Variants in TCF3 observed in about 807,000 individuals in gnomAD.
TCF3 encodes transcription factor 3, also known as transcription factor E2-alpha.
In TCF3, 54 loss-of-function variants were observed where a neutral mutation model predicts 72.3. The ratio of observed to expected loss-of-function variants is 0.75; its 90% confidence interval spans 0.60 to 0.94. TCF3 has a LOEUF of 0.94. Ranked by LOEUF, TCF3 falls within the 40% of genes least tolerant of loss-of-function variation. The pLI, the probability that TCF3 is intolerant of heterozygous loss-of-function variation, is 0.00. For synonymous variants in TCF3, 525 were observed against 412.6 expected, an observed-to-expected ratio of 1.27 and a Z score of -3.30; for missense variants, 1,078 against 934.4, an observed-to-expected ratio of 1.15 and a Z score of -2.00.
At chr19:1,618,021 G>T (rs1423184935) in intron 16 of TCF3, among the ~76,000 whole-genome samples, 1 of 152,152 alleles carries the variant, frequency 6.6e-6, no homozygotes, top group African/African-American at 2.4e-5. Flanking sequence ...CTGGTGGAAG[G>T]CACAGGGCCA....
chr19:1,620,761 G>T (rs1024991150), intron 13 of TCF3, among the ~76,000 whole-genome samples: 1 of 152,166 alleles, frequency 6.6e-6, no homozygotes, highest in Admixed American at 6.5e-5. Flanking sequence ...GCCCATGGGG[G>T]ACTCCCTTCC....
rs1393590928 is a variant in TCF3, at chr19:1,610,216, G to C, written c.*1491C>G. ...GGACACCCTGCTGGTTCTGCAGCAG[G>C]GTCGGACGCACAGCCCAAGGCCTTC... On this transcript the variant is annotated 3_prime_UTR_variant, in exon 19 of 19. Transcript: ENST00000262965. The C allele has an allele frequency of 8.6e-6, 2 of 232,094 alleles. No individual in the cohort carries two copies. The highest frequency in any genetic ancestry group is 1.7e-5 in the Non-Finnish European group (2 of 117,438). 14.4% of individuals were successfully genotyped at this position (232,094 alleles called of 1,614,324 possible).
intron 3 of TCF3, 127 bp downstream of exon 3, chr19:1,646,228 G>C: frequency 2.9e-6 from 3 of 1,041,400 alleles, no homozygotes; most frequent in Non-Finnish European, 4.2e-6. Context: ...CCCCCGACCC[G>C]GCCTGTGTGG....
chr19:1,642,514 T>C (rs2065483173), intron 3 of TCF3, among the ~76,000 whole-genome samples: 1 of 152,142 alleles, frequency 6.6e-6, no homozygotes, highest in Non-Finnish European at 1.5e-5. Flanking sequence ...TGGATCAACT[T>C]CAAGGACGAG....
intron 16 of TCF3, among the ~76,000 whole-genome samples, chr19:1,617,778 G>C (rs563376591): frequency 6.6e-6 from 1 of 152,186 alleles, no homozygotes; most frequent in African/African-American, 2.4e-5. Flanking sequence ...CTGTGGGTCC[G>C]GACCCTTCTC....
chr19:1,621,209 T>C lies in TCF3; in HGVS notation c.956-18A>G. 6.5e-7 allele frequency: 1 copy of C among 1,533,244 alleles called. No individual in the cohort carries two copies. Among genetic ancestry groups the C allele is most frequent in the Non-Finnish European group, 8.7e-7 (1 of 1,145,230 alleles). 95.0% of individuals were successfully genotyped at this position (1,533,244 alleles called of 1,614,324 possible). On this transcript the variant is annotated intron_variant, in intron 11 of 18. Coordinates refer to ENST00000262965, the MANE Select transcript of TCF3 (RefSeq NM_003200.5). ...TCGGGAGCCTGTGGGTGAAGAGAGG[T>C]GAGGCCCACGCAGCCCGGCCTGGGT... is the stretch of plus-strand genomic sequence containing the variant.
chr19:1,646,327 G>T (rs368244573), intron 3 of TCF3, 28 bp downstream of exon 3: 1 of 1,548,710 alleles, frequency 6.5e-7, no homozygotes, highest in South Asian at 1.2e-5. Flanking sequence ...CTCACTCCAC[G>T]AGCGCTGGCA....
intron 16 of TCF3, among the ~76,000 whole-genome samples, chr19:1,618,897 G>A (rs2061840385): frequency 1.3e-5 from 2 of 152,200 alleles, no homozygotes; most frequent in Non-Finnish European, 2.9e-5. Context: ...GAATGAAGAG[G>A]CAGCCCAGAG....
chr19:1,622,344 G>T lies in TCF3; in HGVS notation c.621C>A (p.Ser207Arg). ...ATAYPSAKTP[S>R]STYPAPFYVA... ...CGTAGAAGGGGGCGGGATAGGTGCTGCTGGGGGTCTTGGCGGACGGGTAGG... is the reference window on the plus strand; with the variant it reads ...CGTAGAAGGGGGCGGGATAGGTGCTTCTGGGGGTCTTGGCGGACGGGTAGG... Residue 207 changes from serine to arginine, a missense_variant, in exon 9 of 19, where the codon AGC becomes AGA. Ser to Arg is a moderately radical substitution (Grantham distance 110). Coordinates refer to ENST00000262965, the MANE Select transcript of TCF3 (RefSeq NM_003200.5). 1 of 1,535,342 alleles carries T rather than the reference G, an allele frequency of 6.5e-7. No homozygotes were observed. The highest frequency in any genetic ancestry group is 8.8e-7 in the Non-Finnish European group (1 of 1,141,200).
rs141138357 is a variant in TCF3 at position 1,618,090 on chromosome 19, TCAA to T, written c.1450+1018_1450+1020del. On this transcript the variant is annotated intron_variant, in intron 16 of 18. Transcript: ENST00000262965. ...GGCCTCTCATGGGTGTCTGAGACAC[TCAA>T]CAATCCCCAGGCCCAGGTCCAGATT... Among the ~76,000 whole-genome samples the T allele has an allele frequency of 6.3e-3, 962 of 152,150 alleles. 12 individuals are homozygous for T. The highest frequency in any genetic ancestry group is 0.022 in the African/African-American group (904 of 41,476).
intron 6 of TCF3, among the ~76,000 whole-genome samples, chr19:1,626,573 C>A (rs943160573): frequency 3.3e-5 from 5 of 152,198 alleles, no homozygotes; most frequent in African/African-American, 9.6e-5. Context: ...GTGTGGCCAC[C>A]GCGGGGCTCG....
chr19:1,643,843 T>C (rs150019278), intron 3 of TCF3, among the ~76,000 whole-genome samples: 2 of 152,316 alleles, frequency 1.3e-5, no homozygotes, highest in African/African-American at 4.8e-5. Context: ...CAAATGAACT[T>C]AAGAAAAGCG....
chr19:1,623,964 C>G lies in TCF3; in HGVS notation c.536G>C (p.Gly179Ala). The G allele has an allele frequency of 1.2e-6, 2 of 1,613,560 alleles. No individual in the cohort carries two copies. The highest frequency in any genetic ancestry group is 1.7e-6 in the Non-Finnish European group (2 of 1,179,964). ...QPKKVRKVPP[G>A]LPSSVYPPSS... ...CGTGCGACTCACCGAGGATGGAAGA[C>G]CCGGCGGGACCTTCCGGACCTTCTT... Residue 179 changes from glycine to alanine, a missense_variant, in exon 8 of 19, where the codon GGT becomes GCT. By Grantham distance (60) the Gly-to-Ala change is moderately conservative. Transcript: ENST00000262965.
At chr19:1,647,553 T>C (rs2066309510) in intron 2 of TCF3, among the ~76,000 whole-genome samples, 1 of 152,092 alleles carries the variant, frequency 6.6e-6, no homozygotes, top group African/African-American at 2.4e-5. Flanking sequence ...AAGAACGGTC[T>C]TGCGGGTAGG....
intron 6 of TCF3, among the ~76,000 whole-genome samples, chr19:1,626,872 C>T (rs377171853): frequency 3.1e-4 from 47 of 152,142 alleles, no homozygotes; most frequent in African/African-American, 1.0e-3. Flanking sequence ...GAGCTGACGG[C>T]GGGGACAGAG....
At chr19:1,619,890 G>C (rs1319686667) in intron 13 of TCF3, 37 bp from the exon 14 acceptor site, 1 of 1,524,322 alleles carries the variant, frequency 6.6e-7, no homozygotes, top group Non-Finnish European at 8.9e-7. Flanking sequence ...GGTGCGAGGG[G>C]CGGGGTGTGA....
intron 3 of TCF3, among the ~76,000 whole-genome samples, chr19:1,637,987 T>C (rs2064688232): frequency 6.6e-6 from 1 of 152,138 alleles, no homozygotes; most frequent in Admixed American, 6.5e-5. Flanking sequence ...AGAAGTTCAA[T>C]GATTTACCCT....
rs892956182 is a variant in TCF3 at position 1,619,253 on chromosome 19, G to A, written c.1327-19C>T. ...CTCCAACCTGCAGGCGTGGGGAGAC[G>A]GGTGCATCAGGGGGAGCCGGGTCCC... On this transcript the variant is annotated intron_variant, in intron 15 of 18. Coordinates refer to ENST00000262965, the MANE Select transcript of TCF3 (RefSeq NM_003200.5). The A allele has an allele frequency of 6.5e-5, 102 of 1,581,338 alleles. No homozygotes were observed. The highest frequency in any genetic ancestry group is 8.3e-5 in the Non-Finnish European group (97 of 1,170,344).
At position 1,629,072 on chromosome 19, in the gene TCF3, C is replaced by CG. The variant is rs1555747431; in HGVS notation, c.299-1647dup. Among the ~76,000 whole-genome samples the CG allele has an allele frequency of 2.2e-4, 6 of 27,454 alleles. 1 individual carries two copies. The highest frequency in any genetic ancestry group is 1.5e-3 in the African/African-American group (4 of 2,638). 18.0% of individuals were successfully genotyped at this position (27,454 alleles called of 152,430 possible). A position where few individuals can be genotyped will look rare whatever the true frequency, so the allele number is the denominator to read the frequency against. ...GGCGGGAAGGGGACAGCAGAGCTCA[C>CG]GGGGTGAGGCGGGAAGGGGACAGCA... On this transcript the variant is annotated intron_variant, in intron 5 of 18. Coordinates refer to ENST00000262965, the MANE Select transcript of TCF3 (RefSeq NM_003200.5).
Sources: allele counts gnomAD v4.1 joint callset (sites outside exome capture counted in the v4.1 genomes callset), GRCh38; gene constraint gnomAD v4.1.1; transcripts MANE v1.5; gene names NCBI Gene and HGNC (gene_info 2026-07-23, HGNC 2026-07-21).